Variants in MAP9 observed in about 807,000 individuals in gnomAD.
The protein encoded by MAP9 is microtubule-associated protein 9.
MAP9 carries 80 observed loss-of-function variants against 75.2 expected under a neutral mutation model. The ratio of observed to expected loss-of-function variants is 1.06; its 90% CI spans 0.89 to 1.28. The LOEUF (loss-of-function observed/expected upper bound fraction) is 1.28, where lower values mean the gene tolerates loss of function less well. MAP9 is among the 50% of genes most tolerant of loss of function. MAP9 has a pLI of 0.00. For synonymous variants in MAP9, 235 were observed against 237.3 expected, an observed-to-expected ratio of 0.99 and a Z score of 0.09; for missense variants, 753 against 719.9, an observed-to-expected ratio of 1.05 and a Z score of -0.53.
chr4:155,375,242 G>A (rs1732787940), intron 2 of MAP9, among the ~76,000 whole-genome samples: 1 of 152,158 alleles, frequency 6.6e-6, no homozygotes, highest in Non-Finnish European at 1.5e-5. Flanking sequence ...CATGGAGCTC[G>A]CAGTTTAACT....
chr4:155,349,296 G>T (rs1410363760), intron 13 of MAP9: 1 of 152,230 alleles, frequency 6.6e-6, no homozygotes, highest in Non-Finnish European at 1.5e-5. Context: ...ATGGAAGAGG[G>T]GCACCAGGTG....
intron 3 of MAP9, among the ~76,000 whole-genome samples, 190 bp downstream of exon 3, chr4:155,374,747 T>G (rs116705331): frequency 0.055 from 8,294 of 152,120 alleles, 748 homozygotes; most frequent in African/African-American, 0.19. Flanking sequence ...AAAAAGAAAA[T>G]CATACAACTT....
At chr4:155,351,452 CA>C (rs200289572) in intron 13 of MAP9, among the ~76,000 whole-genome samples, 74 of 133,608 alleles carry the variant, frequency 5.5e-4, no homozygotes, top group East Asian at 1.5e-3. Context: ...AATCAAAAGC[CA>C]AAAAAAAAAA....
chr4:155,373,403 T>G lies in MAP9; in HGVS notation c.214A>C (p.Lys72Gln), dbSNP rs573189483. The G allele has an allele frequency of 9.2e-5, 147 of 1,596,492 alleles. 1 individual carries two copies. The South Asian group carries it at 1.5e-3, about 17-fold the overall frequency. Residue 72 changes from lysine (K) to glutamine (Q), a missense_variant, in exon 4 of 14, where the codon AAA becomes CAA. By Grantham distance (53) the Lys-to-Gln change is moderately conservative. Transcript: ENST00000311277. ...TCTGATATATGAAAGTCATTCATTTTTTTATTAACTGAATTTTCATCTGCT... is the reference window on the plus strand; with the variant it reads ...TCTGATATATGAAAGTCATTCATTTGTTTATTAACTGAATTTTCATCTGCT... Reference protein sequence around the residue: ...TSADENSVNKKMNDFHISDDE... With the variant: ...TSADENSVNKQMNDFHISDDE...
chr4:155,368,199 A>T, intron 5 of MAP9: 2 of 302,890 alleles, frequency 6.6e-6, no homozygotes, highest in Non-Finnish European at 1.2e-5. Flanking sequence ...TCTTAGCCAT[A>T]AATTACATAA....
At chr4:155,349,426 T>A (rs1222826897) in intron 13 of MAP9, 1 of 131,526 alleles carries the variant, frequency 7.6e-6, no homozygotes, top group Admixed American at 7.8e-5. Flanking sequence ...GGTTGATGGC[T>A]TGGGAGGAAA....
At chr4:155,367,126 T>C (rs976767205) in intron 5 of MAP9, 2 of 152,224 alleles carry the variant, frequency 1.3e-5, no homozygotes, top group Non-Finnish European at 2.9e-5. Flanking sequence ...TTCATGTTCA[T>C]CCAGAACCTC....
intron 10 of MAP9, among the ~76,000 whole-genome samples, chr4:155,354,609 G>T (rs1010038435): frequency 6.6e-6 from 1 of 151,512 alleles, no homozygotes; most frequent in African/African-American, 2.4e-5. Flanking sequence ...GATTACAGGT[G>T]CCCACCACCA....
chr4:155,357,042 C>T (rs1436333501), intron 8 of MAP9: 1 of 179,042 alleles, frequency 5.6e-6, no homozygotes, highest in Non-Finnish European at 1.2e-5. Context: ...GAATAAGTAT[C>T]ATTGCTAGAC....
rs373811289 is a variant in MAP9 at position 155,370,347 on chromosome 4, A to G, written c.482-1535T>C. On this transcript the variant is annotated intron_variant, in intron 4 of 13. Coordinates refer to ENST00000311277, the MANE Select transcript of MAP9 (RefSeq NM_001039580.2). ...TTATTCAATGGCTCCCCATGATCCA[A>G]TCCTACAGAATAAAAGCTTAACTGC... 1.2e-4 allele frequency among the ~76,000 whole-genome samples: 19 copies of G among 152,320 alleles called. No homozygotes were observed. The East Asian group carries it at 3.5e-3, about 28-fold the overall frequency.
chr4:155,351,469 A>T (rs1731507985), intron 13 of MAP9, among the ~76,000 whole-genome samples: 1 of 151,698 alleles, frequency 6.6e-6, no homozygotes, highest in South Asian at 2.1e-4. Context: ...AAAAAACAGA[A>T]ATCTGACACC....
chr4:155,359,505 A>G (rs1731969210), intron 7 of MAP9, among the ~76,000 whole-genome samples: 1 of 152,140 alleles, frequency 6.6e-6, no homozygotes, highest in Non-Finnish European at 1.5e-5. Context: ...AGTTTATACT[A>G]AAAGTCTGAC....
chr4:155,375,058 A>G, intron 2 of MAP9, 37 bp from the exon 3 acceptor site: 1 of 1,410,922 alleles, frequency 7.1e-7, no homozygotes, highest in Admixed American at 1.8e-5. Flanking sequence ...CCATCCAAAC[A>G]TGGAGGTATC....
At chr4:155,360,688 C>T (rs1004382350) in intron 6 of MAP9, among the ~76,000 whole-genome samples, 1 of 151,992 alleles carries the variant, frequency 6.6e-6, no homozygotes, top group South Asian at 2.1e-4. Context: ...TACCCTAAAA[C>T]AACGACATGT....
At chr4:155,371,692 C>T (rs573531988) in intron 4 of MAP9, among the ~76,000 whole-genome samples, 3 of 149,862 alleles carry the variant, frequency 2.0e-5, no homozygotes, top group Admixed American at 6.6e-5. Flanking sequence ...ACAGTATTTT[C>T]TTATTCATTG....
intron 13 of MAP9, 72 bp downstream of exon 13, chr4:155,352,518 ATAGAAT>A (rs1423705460): frequency 6.9e-6 from 10 of 1,443,124 alleles, no homozygotes; most frequent in African/African-American, 1.4e-5. Flanking sequence ...TCTGGAGCAA[ATAGAAT>A]TAGAATTAGG....
chr4:155,357,126 C>A (rs2111218739), intron 8 of MAP9: 1 of 252,142 alleles, frequency 4.0e-6, no homozygotes, highest in Admixed American at 5.7e-5. Flanking sequence ...CAGAAGCAGT[C>A]TGGAGCACAA....
chr4:155,355,100 T>A lies in MAP9; in HGVS notation c.1351A>T (p.Ser451Cys). The A allele has an allele frequency of 7.1e-7, 1 of 1,412,792 alleles. No homozygotes were observed. The highest frequency in any genetic ancestry group is 9.6e-7 in the Non-Finnish European group (1 of 1,040,670). The allele number at this position is 1,412,792 out of a possible 1,614,324, so 87.5% of individuals were successfully genotyped here. ...TCATTTTGGATCCTTAAGTTTTCAC[T>A]TTCAATTCTTTTTATTCTGTGCATT... is the stretch of plus-strand genomic sequence containing the variant. ...HEMHRIKRIESENLRIQNEQK... is the reference protein window; with the variant it reads ...HEMHRIKRIECENLRIQNEQK... Residue 451 changes from serine (S) to cysteine (C), a missense_variant, in exon 10 of 14, where the codon AGT becomes TGT. Physicochemically the swap from Ser to Cys is moderately radical, Grantham distance 112. Coordinates refer to ENST00000311277, the MANE Select transcript of MAP9 (RefSeq NM_001039580.2).
At chr4:155,353,910 A>G (rs1731640913) in intron 10 of MAP9, among the ~76,000 whole-genome samples, 1 of 152,156 alleles carries the variant, frequency 6.6e-6, no homozygotes, top group South Asian at 2.1e-4. Flanking sequence ...AAGTTATGTT[A>G]TTATTTTACT....
Sources: gnomAD v4.1 joint callset for allele counts (sites outside exome capture counted in the v4.1 genomes callset) on GRCh38, gnomAD v4.1.1 for gene constraint, MANE v1.5 for transcripts, NCBI Gene and HGNC (gene_info 2026-07-23, HGNC 2026-07-21) for gene names.